Variants in USP28 observed in about 807,000 individuals in gnomAD.
USP28 encodes ubiquitin specific peptidase 28.
USP28 carries 113 observed loss-of-function variants against 145.0 expected under a neutral mutation model. The ratio of observed to expected loss-of-function variants is 0.78; its 90% confidence interval spans 0.67 to 0.91. The LOEUF (loss-of-function observed/expected upper bound fraction) is 0.91, where lower values mean the gene tolerates loss of function less well. Among genes scored for constraint, USP28 ranks in the 40% least tolerant of loss-of-function variants. The probability of loss-of-function intolerance (pLI) is 0.00; values close to 1 mark genes in which losing one functional copy is unlikely to be tolerated. For synonymous variants in USP28, 447 were observed against 450.9 expected (o/e 0.99, Z 0.11); for missense variants, 1,201 against 1,289.6 (o/e 0.93, Z 1.05).
At chr11:113,824,490 G>A (rs927579602) in intron 11 of USP28, among the ~76,000 whole-genome samples, 4 of 151,762 alleles carry the variant, frequency 2.6e-5, no homozygotes, top group Non-Finnish European at 5.9e-5. Context: ...ATTAATTTTT[G>A]TATTTTTTAG....
chr11:113,851,472 T>C (rs1262093685), intron 3 of USP28, among the ~76,000 whole-genome samples: 2 of 152,040 alleles, frequency 1.3e-5, no homozygotes, highest in Non-Finnish European at 2.9e-5. Flanking sequence ...CTCAAATGAC[T>C]TACTCCCTCA....
At chr11:113,864,726 C>A (rs996530220) in intron 1 of USP28, among the ~76,000 whole-genome samples, 3 of 152,214 alleles carry the variant, frequency 2.0e-5, no homozygotes, top group African/African-American at 7.2e-5. Flanking sequence ...CTGCTCTACA[C>A]AGTCTACTGA....
At position 113,860,779 on chromosome 11, in the gene USP28, G is replaced by A. The variant is rs111460816; in HGVS notation, c.58-6444C>T. On this transcript the variant is annotated intron_variant, in intron 1 of 24. Transcript: ENST00000003302. ...GCTTGAAGTGAGCCAAGATTGCACC[G>A]CTGCACTCCAGCCTGCACAACAGAG... Among the ~76,000 whole-genome samples, 7 of 146,564 alleles carry A rather than the reference G, an allele frequency of 4.8e-5. 1 individual carries two copies. The highest frequency in any genetic ancestry group is 6.9e-5 in the Admixed American group (1 of 14,466).
intron 9 of USP28, among the ~76,000 whole-genome samples, chr11:113,830,036 C>G (rs569013445): frequency 4.6e-5 from 7 of 152,052 alleles, no homozygotes; most frequent in Non-Finnish European, 1.0e-4. Context: ...AGAGGACATG[C>G]AAACAGCAAA....
chr11:113,857,578 C>T (rs1197447578), intron 1 of USP28, among the ~76,000 whole-genome samples: 1 of 152,116 alleles, frequency 6.6e-6, no homozygotes, highest in Non-Finnish European at 1.5e-5. Context: ...ACAGCTATGA[C>T]CAGGTTCATA....
intron 6 of USP28, 63 bp from the exon 7 acceptor site, chr11:113,833,620 G>GA (rs1355195529): frequency 1.4e-5 from 21 of 1,529,310 alleles, no homozygotes; most frequent in South Asian, 2.5e-5. Flanking sequence ...AACGTGTAAA[G>GA]AAAAAAAAGT....
intron 1 of USP28, among the ~76,000 whole-genome samples, chr11:113,857,198 G>A (rs1947145355): frequency 6.6e-6 from 1 of 152,128 alleles, no homozygotes; most frequent in Admixed American, 6.6e-5. Flanking sequence ...AATTTCCCCT[G>A]CTTCCAGGTG....
chr11:113,825,113 A>G (rs1449285136), intron 11 of USP28, among the ~76,000 whole-genome samples: 1 of 152,190 alleles, frequency 6.6e-6, no homozygotes, highest in East Asian at 1.9e-4. Flanking sequence ...TGAAGGATTC[A>G]TACTATCTAA....
intron 19 of USP28, among the ~76,000 whole-genome samples, chr11:113,805,288 C>G (rs1939759849): frequency 6.8e-6 from 1 of 146,210 alleles, no homozygotes; most frequent in Non-Finnish European, 1.5e-5. Context: ...CAGAGTATCA[C>G]TTTGTCACCC....
chr11:113,824,008 G>C (rs766408050), intron 11 of USP28, among the ~76,000 whole-genome samples: 1 of 152,022 alleles, frequency 6.6e-6, no homozygotes, highest in African/African-American at 2.4e-5. Flanking sequence ...AGTTCCACAT[G>C]ATGTAAGCAT....
In USP28 at chr11:113,799,350, C is replaced by T. The variant is rs141315096; in HGVS notation, c.3124G>A (p.Val1042Ile). ...CGAATAGTTGGAGGCTCTTTCAAGA[C>T]GATGATTTCTGCAGAAGGATCTAGA... is the stretch of plus-strand genomic sequence containing the variant. Residue 1042 changes from valine (V) to isoleucine (I), a missense_variant, in exon 25 of 25, where the codon GTC becomes ATC. Val to Ile is a conservative substitution (Grantham distance 29). Transcript: ENST00000003302. 1.6e-3 allele frequency: 2,575 copies of T among 1,614,148 alleles called. 2 individuals carry two copies. The highest frequency in any genetic ancestry group is 1.9e-3 in the Non-Finnish European group (2,207 of 1,180,024).
chr11:113,866,372 A>C (rs962001136), intron 1 of USP28, among the ~76,000 whole-genome samples: 2 of 152,232 alleles, frequency 1.3e-5, no homozygotes, highest in Non-Finnish European at 2.9e-5. Flanking sequence ...AATACTTTTA[A>C]ATCATTTATC....
At chr11:113,841,844 G>A (rs1250133348) in intron 3 of USP28, 76 bp from the exon 4 acceptor site, 1 of 971,656 alleles carries the variant, frequency 1.0e-6, no homozygotes, top group Non-Finnish European at 1.5e-6. Context: ...AAAAGGTAAA[G>A]ACATACTCCC....
intron 12 of USP28, among the ~76,000 whole-genome samples, chr11:113,823,264 C>T (rs926572635): frequency 5.3e-5 from 8 of 152,048 alleles, no homozygotes; most frequent in Non-Finnish European, 8.8e-5. Context: ...CAAAAGTGGA[C>T]GGGACCATCG....
intron 10 of USP28, 79 bp from the exon 11 acceptor site, chr11:113,827,439 C>G: frequency 7.0e-7 from 1 of 1,426,152 alleles, no homozygotes; most frequent in Non-Finnish European, 9.3e-7. Context: ...AAATATCTCT[C>G]ATTAAAGTTT....
intron 3 of USP28, among the ~76,000 whole-genome samples, chr11:113,849,299 A>G (rs1946211971): frequency 6.6e-6 from 1 of 152,240 alleles, no homozygotes; most frequent in South Asian, 2.1e-4. Flanking sequence ...AGACCAATAA[A>G]GAGCTGCTTG....
chr11:113,862,417 A>G (rs1947789212), intron 1 of USP28, among the ~76,000 whole-genome samples: 1 of 152,212 alleles, frequency 6.6e-6, no homozygotes, highest in Non-Finnish European at 1.5e-5. Context: ...AATGTCAGGA[A>G]GAGTTTAGGT....
intron 3 of USP28, among the ~76,000 whole-genome samples, chr11:113,847,493 TAAAA>T (rs1356217870): frequency 6.6e-6 from 1 of 152,072 alleles, no homozygotes; most frequent in Non-Finnish European, 1.5e-5. Flanking sequence ...AAGAGAGTCT[TAAAA>T]GACACTTCAA....
In USP28 at chr11:113,833,543, GAT is replaced by G; in HGVS notation, c.634_635del (p.Ile212HisfsTer18). ...AATACTGAAGCTCTTGCATAAACATGATATTTCTCTTTTCCTGTAGAAAACAC... is the reference window on the plus strand; with the variant it reads ...AATACTGAAGCTCTTGCATAAACATGATTTCTCTTTTCCTGTAGAAAACAC... On this transcript the variant is annotated frameshift_variant, in exon 7 of 25. Transcript: ENST00000003302. LOFTEE classifies it high-confidence loss of function. The G allele has an allele frequency of 6.2e-7, 1 of 1,613,404 alleles. No individual in the cohort carries two copies. Among genetic ancestry groups the G allele is most frequent in the Non-Finnish European group, 8.5e-7 (1 of 1,179,758 alleles).
Sources: allele counts gnomAD v4.1 joint callset (sites outside exome capture counted in the v4.1 genomes callset), GRCh38; gene constraint gnomAD v4.1.1; transcripts MANE v1.5; gene names NCBI Gene and HGNC (gene_info 2026-07-23, HGNC 2026-07-21).